ZSWIM7: variants seen among roughly 807,000 people sequenced by gnomAD.
The protein encoded by ZSWIM7 is zinc finger SWIM-type containing 7, also known as zinc finger SWIM domain-containing protein 7.
ZSWIM7 carries 22 observed loss-of-function variants against 21.1 expected under a neutral mutation model. That is an observed-to-expected ratio of 1.04 (90% CI 0.74 to 1.49). The LOEUF (loss-of-function observed/expected upper bound fraction) is 1.49. Ranked by LOEUF, ZSWIM7 falls within the 40% of genes most tolerant of loss-of-function variation. The pLI, the probability that ZSWIM7 is intolerant of heterozygous loss-of-function variation, is 0.00. For missense variants in ZSWIM7, 193 were observed against 168.0 expected (o/e 1.15, Z -0.82); for synonymous variants, 67 against 66.5 (o/e 1.01, Z -0.04).
chr17:15,999,349 T>G lies in ZSWIM7; in HGVS notation c.76+170A>C, dbSNP rs181319779. On this transcript the variant is annotated intron_variant, in intron 1 of 4. Coordinates refer to ENST00000399277, the MANE Select transcript of ZSWIM7 (RefSeq NM_001042697.2). ...TGACTTTTACTTGTTCCAATTTCGCTTTTTTGTTGTTTTGTTTTTTTGTCT... is the reference window on the plus strand; with the variant it reads ...TGACTTTTACTTGTTCCAATTTCGCGTTTTTGTTGTTTTGTTTTTTTGTCT... 3,469 of 930,604 alleles carry G rather than the reference T, an allele frequency of 3.7e-3. 7 individuals are homozygous for G. The highest frequency in any genetic ancestry group is 5.2e-3 in the Non-Finnish European group (3,179 of 611,528). 57.6% of individuals were successfully genotyped at this position (930,604 alleles called of 1,614,324 possible).
intron 1 of ZSWIM7, among the ~76,000 whole-genome samples, chr17:15,996,220 T>C (rs1299560142): frequency 1.3e-5 from 2 of 152,108 alleles, no homozygotes; most frequent in South Asian, 2.1e-4. Flanking sequence ...GGAGAATCCC[T>C]TGAACCCAGG....
chr17:15,980,971 T>A (rs1336432403), intron 4 of ZSWIM7, 69 bp downstream of exon 4: 1 of 1,198,860 alleles, frequency 8.3e-7, no homozygotes, highest in Non-Finnish European at 1.2e-6. Flanking sequence ...GTAGAATAGT[T>A]AAACCACAAA....
Position 15,990,055 on chromosome 17 carries a change from C to G in ZSWIM7, c.99-2687G>C, listed in dbSNP as rs182443413. The stretch of plus-strand genomic sequence containing the variant: ...CTAACACGGTGAAACCCCGTCTCTA[C>G]TAAAAATACAAAAAATTAGCTGGGC... On this transcript the variant is annotated intron_variant, in intron 2 of 4. Transcript: ENST00000399277. Among the ~76,000 whole-genome samples, 495 of 152,014 alleles carry G rather than the reference C, an allele frequency of 3.3e-3. 2 individuals carry two copies. The highest frequency in any genetic ancestry group is 0.011 in the African/African-American group (470 of 41,476).
intron 2 of ZSWIM7, among the ~76,000 whole-genome samples, chr17:15,987,632 T>G (rs1970430950): frequency 6.6e-6 from 1 of 151,870 alleles, no homozygotes; most frequent in African/African-American, 2.4e-5. Context: ...TTTTTTGAGA[T>G]GGAGTTTTTC....
chr17:15,977,764 T>C lies in ZSWIM7; in HGVS notation c.*283A>G, dbSNP rs1040693748. ...AACATGATATTAGGCTTTATTTGAA[T>C]TTAAAATCTTGATTCCATCCAGGGA... On this transcript the variant is annotated 3_prime_UTR_variant, in exon 5 of 5. Coordinates refer to ENST00000399277, the MANE Select transcript of ZSWIM7 (RefSeq NM_001042697.2). 3.8e-6 allele frequency: 1 copy of C among 265,156 alleles called. No homozygotes were observed. Among genetic ancestry groups the C allele is most frequent in the Non-Finnish European group, 7.4e-6 (1 of 135,712 alleles). 16.4% of individuals were successfully genotyped at this position (265,156 alleles called of 1,614,324 possible). A position where few individuals can be genotyped will look rare whatever the true frequency, so the allele number is the denominator to read the frequency against.
intron 2 of ZSWIM7, among the ~76,000 whole-genome samples, chr17:15,988,977 G>A (rs905518159): frequency 6.6e-6 from 1 of 152,058 alleles, no homozygotes; most frequent in South Asian, 2.1e-4. Flanking sequence ...CCAAGATCGC[G>A]CCACTACACT....
intron 2 of ZSWIM7, among the ~76,000 whole-genome samples, chr17:15,988,758 C>T (rs889674262): frequency 1.3e-5 from 2 of 152,272 alleles, no homozygotes; most frequent in African/African-American, 2.4e-5. Context: ...GTGGCTCATA[C>T]CTGTAATCCT....
At chr17:15,991,439 C>T (rs1451561572) in intron 2 of ZSWIM7, among the ~76,000 whole-genome samples, 3 of 152,210 alleles carry the variant, frequency 2.0e-5, no homozygotes, top group East Asian at 1.9e-4. Context: ...TTCCTATTGC[C>T]TGTTACCCTG....
Position 15,978,369 on chromosome 17 carries a change from G to A in ZSWIM7, c.307-206C>T, listed in dbSNP as rs565401413. Among the ~76,000 whole-genome samples, 12 of 152,254 alleles carry A rather than the reference G, an allele frequency of 7.9e-5. 1 individual carries two copies. Among genetic ancestry groups the A allele is most frequent in the Admixed American group, 4.6e-4 (7 of 15,292 alleles). On this transcript the variant is annotated intron_variant, in intron 4 of 4. Transcript: ENST00000399277. ...TCCCAGCACTTTGGGAGGCTGAGGC[G>A]GATGGATCACTTGAGATCAGGAGTT...
intron 3 of ZSWIM7, among the ~76,000 whole-genome samples, chr17:15,984,074 G>A (rs1970384575): frequency 6.6e-6 from 1 of 152,084 alleles, no homozygotes; most frequent in African/African-American, 2.4e-5. Context: ...ATCCTCCCTG[G>A]ATCATGCTGA....
intron 2 of ZSWIM7, among the ~76,000 whole-genome samples, chr17:15,992,257 AT>A (rs1174544513): frequency 1.6e-4 from 25 of 152,088 alleles, no homozygotes; most frequent in Admixed American, 1.6e-3. Flanking sequence ...TGTATCAGTA[AT>A]TAAGTATTAC....
intron 3 of ZSWIM7, among the ~76,000 whole-genome samples, chr17:15,983,113 G>A (rs56277728): frequency 6.6e-6 from 1 of 151,998 alleles, no homozygotes. Context: ...TTGGGAGGCT[G>A]AGGCGGGTGG....
intron 3 of ZSWIM7, among the ~76,000 whole-genome samples, chr17:15,981,759 A>AT (rs1567789671): frequency 1.3e-5 from 2 of 151,818 alleles, no homozygotes; most frequent in Non-Finnish European, 1.5e-5. Context: ...AGAAAAAAAA[A>AT]TTTTTTTAAA....
rs1270855037 is a variant in ZSWIM7 at position 15,977,198 on chromosome 17, C to CAGAT, written c.*845_*848dup. ...TTAAGCTGTTTTGGCACAAGCATCA[C>CAGAT]AGATATTTGAAGCTTACAGAAACCA... On this transcript the variant is annotated 3_prime_UTR_variant, in exon 5 of 5. Transcript: ENST00000399277. 3 of 152,158 alleles carry CAGAT rather than the reference C, an allele frequency of 2.0e-5. No homozygotes were observed. 9.4% of individuals were successfully genotyped at this position (152,158 alleles called of 1,614,324 possible).
In ZSWIM7 at chr17:15,999,600, C is replaced by T. The variant is rs1486429920; in HGVS notation, c.-6G>A. The T allele has an allele frequency of 1.3e-6, 2 of 1,570,928 alleles. No homozygotes were observed. The highest frequency in any genetic ancestry group is 1.7e-6 in the Non-Finnish European group (2 of 1,159,578). On this transcript the variant is annotated 5_prime_UTR_variant, in exon 1 of 5. Coordinates refer to ENST00000399277, the MANE Select transcript of ZSWIM7 (RefSeq NM_001042697.2). The stretch of plus-strand genomic sequence containing the variant: ...GCCGGCAACACTACGGCCATCGCGC[C>T]GCAGGACACGCCCTCCACGACCGGC...
chr17:15,999,249 T>A (rs1244145931), intron 1 of ZSWIM7: 3 of 582,588 alleles, frequency 5.1e-6, no homozygotes, highest in African/African-American at 3.8e-5. Flanking sequence ...AGCACTTCGG[T>A]CCCCACTGGC....
At chr17:15,988,606 G>A (rs1050389188) in intron 2 of ZSWIM7, among the ~76,000 whole-genome samples, 4 of 151,874 alleles carry the variant, frequency 2.6e-5, no homozygotes, top group African/African-American at 9.7e-5. Flanking sequence ...CTTGAGTCCA[G>A]GAGTTCAAGA....
In ZSWIM7 at chr17:15,993,765, A is replaced by G. The variant is rs1246219289; in HGVS notation, c.90T>C (p.Tyr30=). The G allele has an allele frequency of 2.7e-6, 4 of 1,502,380 alleles. No homozygotes were observed. The African/African-American group carries it at 5.6e-5, about 21-fold the overall frequency. 93.1% of individuals were successfully genotyped at this position (1,502,380 alleles called of 1,614,324 possible). Residue 30 remains tyrosine, a synonymous_variant, in exon 2 of 5, where the codon TAT becomes TAC. Transcript: ENST00000399277. Reference sequence around the variant, plus strand: ...ACAGTATATGTACTTACGATAACAGATATTCATCAGGAACTGTAAAATGAG... The same window carrying G: ...ACAGTATATGTACTTACGATAACAGGTATTCATCAGGAACTGTAAAATGAG... The part of the protein sequence containing the change: ...VQESARIPDE[Y]LLSLKFLFGS...
intron 4 of ZSWIM7, among the ~76,000 whole-genome samples, chr17:15,979,802 C>T (rs1295616579): frequency 7.8e-6 from 1 of 127,830 alleles, no homozygotes; most frequent in African/African-American, 3.1e-5. Flanking sequence ...GGGCTGACCC[C>T]CCCACCTCCC....
Sources: gnomAD v4.1 joint callset for allele counts (sites outside exome capture counted in the v4.1 genomes callset) on GRCh38, gnomAD v4.1.1 for gene constraint, MANE v1.5 for transcripts, NCBI Gene and HGNC (gene_info 2026-07-23, HGNC 2026-07-21) for gene names.